The following CSMD1 variants were observed in gnomAD, a reference collection of about 807,000 sequenced individuals.
CSMD1 encodes CUB and sushi domain-containing protein 1.
Under a neutral mutation model 417.5 loss-of-function variants are expected in CSMD1, and 213 were observed. The ratio of observed to expected loss-of-function variants is 0.51; its 90% CI spans 0.46 to 0.57. CSMD1 has a LOEUF of 0.57. Among genes scored for constraint, CSMD1 ranks in the 20% least tolerant of loss-of-function variants. The pLI, the probability that CSMD1 is intolerant of heterozygous loss-of-function variation, is 0.00. For synonymous variants in CSMD1, 2,862 were observed against 1,736.8 expected (o/e 1.65, Z -16.11); for missense variants, 6,923 against 4,529.7 (o/e 1.53, Z -15.17).
At chr8:3,175,764 T>A (rs1438349169) in intron 37 of CSMD1, among the ~76,000 whole-genome samples, 1 of 152,174 alleles carries the variant, frequency 6.6e-6, no homozygotes, top group East Asian at 1.9e-4. Flanking sequence ...GTAACTTAAA[T>A]TTGCTTTGCA....
chr8:4,687,302 G>A (rs1249408673), intron 1 of CSMD1, among the ~76,000 whole-genome samples: 1 of 152,164 alleles, frequency 6.6e-6, no homozygotes, highest in African/African-American at 2.4e-5. Flanking sequence ...GACAGAGGAT[G>A]ATGTGTGAAG....
intron 3 of CSMD1, among the ~76,000 whole-genome samples, chr8:4,236,665 T>C (rs901167983): frequency 8.5e-5 from 13 of 152,240 alleles, no homozygotes; most frequent in Non-Finnish European, 1.6e-4. Context: ...ATGAATTGCA[T>C]GCTTATTTAA....
At chr8:3,666,243 T>G (rs930814424) in intron 7 of CSMD1, among the ~76,000 whole-genome samples, 64 of 151,204 alleles carry the variant, frequency 4.2e-4, no homozygotes, top group African/African-American at 1.5e-3. Context: ...TGGTGAGACT[T>G]TCCATTTCTA....
chr8:4,925,571 G>A (rs1230040942), intron 1 of CSMD1, among the ~76,000 whole-genome samples: 1 of 150,100 alleles, frequency 6.7e-6, no homozygotes, highest in Admixed American at 6.6e-5. Context: ...TTTTGAGACG[G>A]AGTCTCGCTC....
intron 3 of CSMD1, among the ~76,000 whole-genome samples, chr8:4,129,999 G>T (rs1001536024): frequency 1.3e-5 from 2 of 151,878 alleles, no homozygotes; most frequent in Non-Finnish European, 1.5e-5. Context: ...TGTTTATTGG[G>T]AATTTTGCCT....
chr8:3,343,206 A>T, intron 23 of CSMD1, 88 bp downstream of exon 23: 1 of 1,183,724 alleles, frequency 8.4e-7, no homozygotes, highest in South Asian at 1.4e-5. Context: ...CCAGAAAAAA[A>T]TCAATATTTA....
Position 4,017,588 on chromosome 8 carries a change from G to C in CSMD1, c.610+14317C>G, listed in dbSNP as rs564138973. Among the ~76,000 whole-genome samples the C allele has an allele frequency of 4.6e-5, 7 of 152,224 alleles. 1 individual carries two copies. Among genetic ancestry groups the C allele is most frequent in the African/African-American group, 1.7e-4 (7 of 41,522 alleles). ...CCCAAAGTGCTGGAATTACAGGCGTGAGCCACCGTGCCCAGCTGCCACCTC... is the reference window on the plus strand; with the variant it reads ...CCCAAAGTGCTGGAATTACAGGCGTCAGCCACCGTGCCCAGCTGCCACCTC... On this transcript the variant is annotated intron_variant, in intron 4 of 69. Coordinates refer to ENST00000635120, the MANE Select transcript of CSMD1 (RefSeq NM_033225.6).
At chr8:4,682,918 A>G (rs1184776612) in intron 1 of CSMD1, among the ~76,000 whole-genome samples, 1 of 146,014 alleles carries the variant, frequency 6.8e-6, no homozygotes, top group South Asian at 2.2e-4. Flanking sequence ...TTTTAGAGAA[A>G]TGTTTCTCTC....
intron 7 of CSMD1, among the ~76,000 whole-genome samples, chr8:3,657,467 T>C (rs1182914026): frequency 2.0e-5 from 3 of 151,976 alleles, no homozygotes; most frequent in Admixed American, 6.6e-5. Context: ...AATGATAGAC[T>C]GGATAAAGAA....
intron 3 of CSMD1, among the ~76,000 whole-genome samples, chr8:4,089,975 C>T (rs893169726): frequency 6.6e-6 from 1 of 152,104 alleles, no homozygotes; most frequent in Non-Finnish European, 1.5e-5. Context: ...AGATAGAATG[C>T]CGCTATAATG....
At chr8:3,190,457 G>A (rs144539722) in intron 33 of CSMD1, among the ~76,000 whole-genome samples, 39 of 152,250 alleles carry the variant, frequency 2.6e-4, no homozygotes, top group African/African-American at 8.2e-4. Flanking sequence ...TTGATATTCA[G>A]GCGATTACAT....
intron 22 of CSMD1, among the ~76,000 whole-genome samples, chr8:3,346,945 C>T (rs1436783693): frequency 6.6e-6 from 1 of 152,220 alleles, no homozygotes; most frequent in Non-Finnish European, 1.5e-5. Flanking sequence ...GCTCACCTCG[C>T]TGAAATAAGC....
At chr8:4,521,323 T>C (rs1364523292) in intron 2 of CSMD1, among the ~76,000 whole-genome samples, 1 of 151,832 alleles carries the variant, frequency 6.6e-6, no homozygotes, top group African/African-American at 2.4e-5. Context: ...AGATAGGAAA[T>C]GGGAAGATGA....
intron 3 of CSMD1, among the ~76,000 whole-genome samples, chr8:4,326,874 T>C (rs1024862316): frequency 6.6e-6 from 1 of 152,160 alleles, no homozygotes; most frequent in Non-Finnish European, 1.5e-5. Context: ...AGATTTAACT[T>C]GGACTATTTT....
chr8:4,758,698 C>A (rs1298117636), intron 1 of CSMD1, among the ~76,000 whole-genome samples: 1 of 151,766 alleles, frequency 6.6e-6, no homozygotes, highest in East Asian at 1.9e-4. Flanking sequence ...TACATGGCAG[C>A]AGGTAAGATA....
At chr8:3,832,722 C>T (rs146120972) in intron 5 of CSMD1, among the ~76,000 whole-genome samples, 49 of 152,242 alleles carry the variant, frequency 3.2e-4, no homozygotes, top group Middle Eastern at 3.4e-3. Context: ...AAAAATAGGA[C>T]TTACACCATG....
At chr8:4,409,388 C>G (rs1188299969) in intron 3 of CSMD1, among the ~76,000 whole-genome samples, 2 of 152,078 alleles carry the variant, frequency 1.3e-5, no homozygotes, top group Non-Finnish European at 2.9e-5. Context: ...AGATAATTTA[C>G]CCTTTCTCAG....
intron 2 of CSMD1, among the ~76,000 whole-genome samples, chr8:4,572,795 T>G (rs1798950117): frequency 6.6e-6 from 1 of 152,190 alleles, no homozygotes; most frequent in Admixed American, 6.5e-5. Flanking sequence ...GTCCCATATT[T>G]CTTGGAAGCT....
chr8:4,513,667 C>T (rs1802948060), intron 2 of CSMD1, among the ~76,000 whole-genome samples: 1 of 152,170 alleles, frequency 6.6e-6, no homozygotes, highest in Admixed American at 6.5e-5. Context: ...CACTTGTACT[C>T]ATAATTGAGA....
Sources: allele counts gnomAD v4.1 joint callset (sites outside exome capture counted in the v4.1 genomes callset), GRCh38; gene constraint gnomAD v4.1.1; transcripts MANE v1.5; gene names NCBI Gene and HGNC (gene_info 2026-07-23, HGNC 2026-07-21).